Variants in SSBP2 observed in about 807,000 individuals in gnomAD.
SSBP2 encodes the protein single-stranded DNA-binding protein 2.
A neutral mutation model predicts 61.8 loss-of-function variants in SSBP2; 17 were observed. The ratio of observed to expected loss-of-function variants is 0.28; its 90% CI spans 0.19 to 0.41. The LOEUF (loss-of-function observed/expected upper bound fraction) is 0.41. Ranked by LOEUF, SSBP2 falls within the 10% of genes least tolerant of loss-of-function variation. The pLI is 1.00. For synonymous variants in SSBP2, 139 were observed against 141.3 expected (o/e 0.98, Z 0.12); for missense variants, 310 against 458.7 (o/e 0.68, Z 2.96).
chr5:81,613,313 G>A (rs2917545), intron 4 of SSBP2, among the ~76,000 whole-genome samples: 36,442 of 151,922 alleles, frequency 0.24, 5,821 homozygotes, highest in East Asian at 0.69. Flanking sequence ...ACACAGTAAG[G>A]GGTTGTTCCT....
At chr5:81,693,749 C>T (rs1379948986) in intron 1 of SSBP2, among the ~76,000 whole-genome samples, 1 of 152,164 alleles carries the variant, frequency 6.6e-6, no homozygotes, top group Non-Finnish European at 1.5e-5. Context: ...ATTAGTACAA[C>T]CACTATAGAG....
intron 5 of SSBP2, among the ~76,000 whole-genome samples, chr5:81,507,526 G>A (rs1346076969): frequency 6.6e-6 from 1 of 151,936 alleles, no homozygotes; most frequent in Non-Finnish European, 1.5e-5. Context: ...GATATTAACA[G>A]GTATATCCCA....
At chr5:81,732,304 CAT>C (rs771411310) in intron 1 of SSBP2, among the ~76,000 whole-genome samples, 11 of 151,992 alleles carry the variant, frequency 7.2e-5, no homozygotes, top group Non-Finnish European at 1.0e-4. Context: ...TCAATATAAA[CAT>C]GTACTAAAAA....
At chr5:81,529,024 A>T (rs999708373) in intron 4 of SSBP2, among the ~76,000 whole-genome samples, 7 of 152,132 alleles carry the variant, frequency 4.6e-5, no homozygotes, top group African/African-American at 1.7e-4. Context: ...ACAAATTAAA[A>T]ATACACATTT....
intron 11 of SSBP2, chr5:81,448,024 C>T (rs992670378): frequency 3.3e-5 from 5 of 151,996 alleles, no homozygotes; most frequent in African/African-American, 9.7e-5. Context: ...CTTATGCGTT[C>T]TTTTTTTCCC....
In SSBP2 at chr5:81,523,570, A is replaced by G. The variant is rs139092778; in HGVS notation, c.283-9853T>C. ...TACCTCTCAAAATGAGTTATTAAAAAAGTTAAATAGCATAAAAACTTTCTG... is the reference window on the plus strand; with the variant it reads ...TACCTCTCAAAATGAGTTATTAAAAGAGTTAAATAGCATAAAAACTTTCTG... On this transcript the variant is annotated intron_variant, in intron 4 of 16. Coordinates refer to ENST00000320672, the MANE Select transcript of SSBP2 (RefSeq NM_012446.5). 5.7e-3 allele frequency among the ~76,000 whole-genome samples: 863 copies of G among 152,222 alleles called. 12 individuals are homozygous for G. The South Asian group carries it at 0.057, about 10-fold the overall frequency.
At chr5:81,508,360 T>C (rs1192049742) in intron 5 of SSBP2, among the ~76,000 whole-genome samples, 1 of 152,140 alleles carries the variant, frequency 6.6e-6, no homozygotes, top group Non-Finnish European at 1.5e-5. Flanking sequence ...TACAAATTAC[T>C]CATTTGAAAA....
intron 1 of SSBP2, among the ~76,000 whole-genome samples, chr5:81,738,044 G>A (rs1581451822): frequency 6.6e-6 from 1 of 152,020 alleles, no homozygotes; most frequent in African/African-American, 2.4e-5. Flanking sequence ...ACATTCCCAA[G>A]AAGAATGGCT....
chr5:81,729,794 G>A (rs1756131895), intron 1 of SSBP2, among the ~76,000 whole-genome samples: 1 of 151,830 alleles, frequency 6.6e-6, no homozygotes, highest in African/African-American at 2.4e-5. Flanking sequence ...ATACAATGTG[G>A]TATTTTCATA....
At chr5:81,684,311 AAC>A (rs1443111277) in intron 1 of SSBP2, among the ~76,000 whole-genome samples, 2 of 152,208 alleles carry the variant, frequency 1.3e-5, no homozygotes, top group African/African-American at 2.4e-5. Context: ...AGGAAACTTA[AAC>A]ACATATTACT....
intron 4 of SSBP2, among the ~76,000 whole-genome samples, chr5:81,560,936 T>C (rs1281245640): frequency 6.6e-6 from 1 of 152,164 alleles, no homozygotes. Flanking sequence ...TGTTTAAGCA[T>C]AGGACTGTTA....
chr5:81,422,476 T>C (rs937019629), intron 16 of SSBP2, among the ~76,000 whole-genome samples: 4 of 152,072 alleles, frequency 2.6e-5, no homozygotes, highest in Non-Finnish European at 5.9e-5. Flanking sequence ...CACTGGACCA[T>C]AGGAAGAGGA....
At chr5:81,633,482 T>C (rs1015852930) in intron 3 of SSBP2, among the ~76,000 whole-genome samples, 4 of 152,178 alleles carry the variant, frequency 2.6e-5, no homozygotes, top group Admixed American at 1.3e-4. Context: ...GCAAGGTTTC[T>C]GTACAAGGCT....
chr5:81,592,095 G>A (rs939260140), intron 4 of SSBP2, among the ~76,000 whole-genome samples: 2 of 152,192 alleles, frequency 1.3e-5, no homozygotes, highest in South Asian at 2.1e-4. Flanking sequence ...TCAAAGAAAG[G>A]GGTGACAGAC....
intron 2 of SSBP2, among the ~76,000 whole-genome samples, chr5:81,642,037 C>G (rs1748837070): frequency 6.6e-6 from 1 of 152,098 alleles, no homozygotes; most frequent in Non-Finnish European, 1.5e-5. Context: ...GGAGGACTTT[C>G]ATTTTAAATT....
chr5:81,458,459 A>G (rs1480337521), intron 10 of SSBP2, among the ~76,000 whole-genome samples: 1 of 152,248 alleles, frequency 6.6e-6, no homozygotes, highest in Non-Finnish European at 1.5e-5. Context: ...GTGGTAAGAC[A>G]TTAACAATTG....
chr5:81,420,360 G>GTCC lies in SSBP2; in HGVS notation c.*143_*144insGGA. The stretch of plus-strand genomic sequence containing the variant: ...GGACCCGCTTTCTTCACAAAAGAGG[G>GTCC]GAGAGAGCAGGAAATAAAAAGGTTG... On this transcript the variant is annotated 3_prime_UTR_variant, in exon 17 of 17. Coordinates refer to ENST00000320672, the MANE Select transcript of SSBP2 (RefSeq NM_012446.5). 4.1e-6 allele frequency: 3 copies of GTCC among 729,182 alleles called. No individual in the cohort carries two copies. Among genetic ancestry groups the GTCC allele is most frequent in the Non-Finnish European group, 7.1e-6 (3 of 423,040 alleles). 45.2% of individuals were successfully genotyped at this position (729,182 alleles called of 1,614,324 possible).
intron 1 of SSBP2, among the ~76,000 whole-genome samples, chr5:81,653,559 C>T (rs1363114334): frequency 6.6e-6 from 1 of 152,174 alleles, no homozygotes; most frequent in Middle Eastern, 3.2e-3. Flanking sequence ...TTTACACTCC[C>T]ACCAACAGTG....
At chr5:81,624,910 T>C (rs193200500) in intron 3 of SSBP2, among the ~76,000 whole-genome samples, 7 of 152,278 alleles carry the variant, frequency 4.6e-5, no homozygotes, top group African/African-American at 7.2e-5. Context: ...TATGCTGCCA[T>C]ACACTGCCCA....
Sources: gnomAD v4.1 joint callset for allele counts (sites outside exome capture counted in the v4.1 genomes callset) on GRCh38, gnomAD v4.1.1 for gene constraint, MANE v1.5 for transcripts, NCBI Gene and HGNC (gene_info 2026-07-23, HGNC 2026-07-21) for gene names.